OXR1: variants seen among roughly 807,000 people sequenced by gnomAD.
The protein encoded by OXR1 is oxidation resistance 1.
A neutral mutation model predicts 104.6 loss-of-function variants in OXR1; 41 were observed. The observed-to-expected ratio is 0.39, with a 90% CI of 0.31 to 0.51. The LOEUF is 0.51. Among genes scored for constraint, OXR1 ranks in the 20% least tolerant of loss-of-function variants. The pLI, the probability that OXR1 is intolerant of heterozygous loss-of-function variation, is 0.77. For missense variants in OXR1, 955 were observed against 1,031.9 expected, an observed-to-expected ratio of 0.93 and a Z score of 1.02; for synonymous variants, 348 against 348.4, an observed-to-expected ratio of 1.00 and a Z score of 0.01.
chr8:106,638,901 A>T (rs1823386273), intron 3 of OXR1, among the ~76,000 whole-genome samples: 2 of 134,714 alleles, frequency 1.5e-5, no homozygotes, highest in Admixed American at 1.5e-4. Context: ...TTCAAAAAAA[A>T]AAAAAAAACC....
intron 2 of OXR1, among the ~76,000 whole-genome samples, chr8:106,367,067 T>A (rs1158038111): frequency 1.4e-5 from 2 of 142,252 alleles, no homozygotes; most frequent in African/African-American, 5.5e-5. Flanking sequence ...TGTTTCCCTT[T>A]TTTTTTTTTT....
At chr8:106,572,125 G>A (rs993118771) in intron 3 of OXR1, among the ~76,000 whole-genome samples, 1 of 152,084 alleles carries the variant, frequency 6.6e-6, no homozygotes, top group South Asian at 2.1e-4. Flanking sequence ...TGGTGATTTC[G>A]GAATCACCTT....
chr8:106,450,296 C>A (rs1218292884), intron 2 of OXR1, among the ~76,000 whole-genome samples: 2 of 152,100 alleles, frequency 1.3e-5, no homozygotes, highest in African/African-American at 4.8e-5. Flanking sequence ...GTACACATTT[C>A]TTAAATTACT....
intron 3 of OXR1, chr8:106,618,240 C>G: frequency 7.4e-7 from 1 of 1,343,438 alleles, no homozygotes; most frequent in Non-Finnish European, 1.0e-6. Context: ...AAGTCAGATA[C>G]AGCGGACATT....
At position 106,706,646 on chromosome 8, in the gene OXR1, G is replaced by T. The variant is rs940519480; in HGVS notation, c.1125G>T (p.Gln375His). The part of the protein sequence containing the change: ...ASSESVQTVN[Q>H]AEVESLTVKS... ...CAGAATCTGTGCAAACTGTCAATCA[G>T]GCTGAAGTAGAAAGTCTGACAGTCA... The change falls in exon 9 of 17, where the codon CAG (glutamine) becomes CAT (histidine). Residue 375 changes from glutamine (Q) to histidine (H), a missense_variant. Physicochemically the swap from Gln to His is conservative, Grantham distance 24. This residue lies in a region of OXR1 where 849 missense variants were observed against 852.9 expected (regional missense o/e 1.00). Transcript: ENST00000517566. 1.2e-6 allele frequency: 2 copies of T among 1,613,682 alleles called. No individual in the cohort carries two copies. The highest frequency in any genetic ancestry group is 8.5e-7 in the Non-Finnish European group (1 of 1,179,874).
chr8:106,299,266 C>T (rs1813132787), intron 1 of OXR1, among the ~76,000 whole-genome samples: 1 of 151,822 alleles, frequency 6.6e-6, no homozygotes, highest in Non-Finnish European at 1.5e-5. Context: ...AGACCTCATA[C>T]TAGATTTAAG....
chr8:106,360,497 G>A (rs1176467008), intron 2 of OXR1, among the ~76,000 whole-genome samples: 5 of 151,892 alleles, frequency 3.3e-5, no homozygotes, highest in Non-Finnish European at 7.4e-5. Flanking sequence ...TTTATTTTTA[G>A]TGAAGTCAGC....
intron 2 of OXR1, among the ~76,000 whole-genome samples, chr8:106,506,415 A>C (rs2510810): frequency 0.081 from 12,296 of 152,072 alleles, 571 homozygotes; most frequent in Non-Finnish European, 0.091. Flanking sequence ...AGATCCAGAC[A>C]ATCCTGGCTA....
chr8:106,325,865 G>A (rs1157584790), intron 1 of OXR1, among the ~76,000 whole-genome samples: 2 of 152,072 alleles, frequency 1.3e-5, no homozygotes, highest in Non-Finnish European at 2.9e-5. Flanking sequence ...TTACTATAAG[G>A]TAAAATCCTC....
intron 2 of OXR1, among the ~76,000 whole-genome samples, chr8:106,368,258 T>TA (rs898785375): frequency 2.0e-5 from 3 of 151,728 alleles, no homozygotes; most frequent in Non-Finnish European, 2.9e-5. Context: ...TAAGATATAA[T>TA]AAAAAAAGAA....
chr8:106,307,490 A>G (rs537918555), intron 1 of OXR1, among the ~76,000 whole-genome samples: 2 of 151,868 alleles, frequency 1.3e-5, no homozygotes, highest in South Asian at 2.1e-4. Flanking sequence ...GCTTTTTCCT[A>G]TAATGTTTTC....
chr8:106,496,180 A>G (rs985234706), intron 2 of OXR1, among the ~76,000 whole-genome samples: 1 of 152,172 alleles, frequency 6.6e-6, no homozygotes, highest in Non-Finnish European at 1.5e-5. Flanking sequence ...TGGTTCTCAA[A>G]GTCTAATCCC....
intron 3 of OXR1, among the ~76,000 whole-genome samples, chr8:106,579,817 T>C (rs772546643): frequency 3.3e-5 from 5 of 152,100 alleles, no homozygotes; most frequent in Non-Finnish European, 7.4e-5. Flanking sequence ...AGTTCTTCAA[T>C]TCAGTGAGTT....
At chr8:106,732,212 A>G (rs1234463393) in intron 11 of OXR1, among the ~76,000 whole-genome samples, 1 of 152,108 alleles carries the variant, frequency 6.6e-6, no homozygotes, top group African/African-American at 2.4e-5. Flanking sequence ...TGACTTTTGC[A>G]TATTAATCTT....
intron 3 of OXR1, among the ~76,000 whole-genome samples, chr8:106,633,718 T>C (rs1822900858): frequency 6.6e-6 from 1 of 152,238 alleles, no homozygotes; most frequent in South Asian, 2.1e-4. Context: ...TGTCAACTTA[T>C]AATTGCAGAC....
chr8:106,575,260 A>G lies in OXR1; in HGVS notation c.220+56121A>G, dbSNP rs1817741499. On this transcript the variant is annotated intron_variant, in intron 3 of 16. Transcript: ENST00000517566. ...ATTAATATAGAATCTTAAAGGTGAA[A>G]TAAGCTCAAATGGTAGGGAAATTTT... Among the ~76,000 whole-genome samples the G allele has an allele frequency of 4.6e-5, 7 of 152,318 alleles. 1 individual carries two copies. In the South Asian group the frequency reaches 1.5e-3, roughly 32 times the overall value.
intron 3 of OXR1, among the ~76,000 whole-genome samples, chr8:106,640,662 A>G (rs1823555865): frequency 6.6e-6 from 1 of 152,222 alleles, no homozygotes. Context: ...TAGCATAAAA[A>G]TAACATTTAT....
intron 3 of OXR1, among the ~76,000 whole-genome samples, chr8:106,611,022 G>A (rs1428916357): frequency 1.3e-5 from 2 of 152,114 alleles, no homozygotes; most frequent in African/African-American, 4.8e-5. Context: ...AACATTCTTA[G>A]AACTTAGATT....
intron 2 of OXR1, among the ~76,000 whole-genome samples, chr8:106,492,483 A>T (rs751253188): frequency 6.6e-6 from 1 of 152,190 alleles, no homozygotes; most frequent in African/African-American, 2.4e-5. Context: ...GTTGCCCTTA[A>T]AACCTGGGAA....
Sources: allele counts gnomAD v4.1 joint callset (sites outside exome capture counted in the v4.1 genomes callset), GRCh38; gene constraint gnomAD v4.1.1; regional missense constraint gnomAD v4.1.1; transcripts MANE v1.5; gene names NCBI Gene and HGNC (gene_info 2026-07-23, HGNC 2026-07-21).